The following EDARADD variants were observed in gnomAD, a reference collection of about 807,000 sequenced individuals.
EDARADD encodes the protein ectodysplasin-A receptor-associated adapter protein.
Under a neutral mutation model 25.6 loss-of-function variants are expected in EDARADD, and 20 were observed. That is an observed-to-expected ratio of 0.78 (90% CI 0.55 to 1.14). The LOEUF (loss-of-function observed/expected upper bound fraction) is 1.14. Among genes scored for constraint, EDARADD ranks in the 50% most tolerant of loss-of-function variants. The probability of loss-of-function intolerance (pLI) is 0.00; values close to 1 mark genes in which losing one functional copy is unlikely to be tolerated. For synonymous variants in EDARADD, 86 were observed against 94.4 expected (o/e 0.91, Z 0.52); for missense variants, 225 against 270.1 (o/e 0.83, Z 1.17).
rs1384664207 is a variant in EDARADD, at chr1:236,409,235, A to G, written c.81A>G (p.Pro27=). The change falls in exon 2 of 6, where the codon CCA becomes CCG. Residue 27 remains proline, a synonymous_variant. Transcript: ENST00000334232. The stretch of plus-strand genomic sequence containing the variant: ...TTACAGATCATATGGTAAAGGAACC[A>G]GTGGAAGACACAGACCCTAGCACTT... ...GHQEDHMVKE[P]VEDTDPSTLS... 1 of 1,613,248 alleles carries G rather than the reference A, an allele frequency of 6.2e-7. No homozygotes were observed. The highest frequency in any genetic ancestry group is 1.1e-5 in the South Asian group (1 of 90,874).
intron 5 of EDARADD, among the ~76,000 whole-genome samples, chr1:236,470,867 C>T (rs1659341425): frequency 2.0e-5 from 3 of 152,138 alleles, no homozygotes; most frequent in South Asian, 2.1e-4. Flanking sequence ...CTCAGCCTCC[C>T]AAAGTGCTGG....
At chr1:236,447,668 A>T (rs754731097) in intron 4 of EDARADD, among the ~76,000 whole-genome samples, 1 of 152,134 alleles carries the variant, frequency 6.6e-6, no homozygotes, top group Non-Finnish European at 1.5e-5. Flanking sequence ...AGTAATGAGA[A>T]TCCCTAAGGA....
In EDARADD at chr1:236,483,570, G is replaced by T. The variant is rs886046192; in HGVS notation, c.*921G>T. 5.2e-6 allele frequency: 7 copies of T among 1,348,914 alleles called. No homozygotes were observed. The South Asian group carries it at 5.8e-5, about 11-fold the overall frequency. The allele number at this position is 1,348,914 out of a possible 1,614,324, so 83.6% of individuals were successfully genotyped here. A position where few individuals can be genotyped will look rare whatever the true frequency, so the allele number is the denominator to read the frequency against. ...GGTTCCCCTGTACCACCACATCGCC[G>T]ACTTGTCTGGCAACTCCAAAGTCAT... On this transcript the variant is annotated 3_prime_UTR_variant, in exon 6 of 6. Transcript: ENST00000334232.
chr1:236,426,968 G>A (rs1657936689), intron 3 of EDARADD, among the ~76,000 whole-genome samples: 1 of 151,944 alleles, frequency 6.6e-6, no homozygotes, highest in South Asian at 2.1e-4. Flanking sequence ...TGCAAACTTT[G>A]TCTCCTGAGT....
intron 4 of EDARADD, among the ~76,000 whole-genome samples, chr1:236,453,169 T>C (rs560946345): frequency 6.6e-6 from 1 of 152,352 alleles, no homozygotes; most frequent in South Asian, 2.1e-4. Flanking sequence ...AATGATGCTG[T>C]TTTATCTGTT....
intron 3 of EDARADD, among the ~76,000 whole-genome samples, chr1:236,389,082 T>C (rs1229513303): frequency 6.6e-6 from 1 of 152,176 alleles, no homozygotes; most frequent in Non-Finnish European, 1.5e-5. Context: ...TTGGAACAGA[T>C]TTTATCTCAA....
intron 3 of EDARADD, among the ~76,000 whole-genome samples, chr1:236,381,418 G>T (rs1352133661): frequency 6.6e-6 from 1 of 151,876 alleles, no homozygotes; most frequent in East Asian, 1.9e-4. Flanking sequence ...ATAAGCTTGT[G>T]CTATTTTAGT....
chr1:236,472,131 TG>T (rs1558136600), intron 5 of EDARADD, among the ~76,000 whole-genome samples: 1 of 151,700 alleles, frequency 6.6e-6, no homozygotes, highest in South Asian at 2.1e-4. Context: ...AGGAGGGAGG[TG>T]GGGGAAGAAA....
At chr1:236,394,231 A>G, upstream of EDARADD, 1 of 560,434 alleles carries the variant, frequency 1.8e-6, no homozygotes. Context: ...CAAACCTCCA[A>G]ATTGATTCTA....
At chr1:236,481,906 G>A (rs1433707399) in intron 5 of EDARADD, among the ~76,000 whole-genome samples, 1 of 151,884 alleles carries the variant, frequency 6.6e-6, no homozygotes, top group Non-Finnish European at 1.5e-5. Context: ...AAGGTCAGGA[G>A]ATCGAGACCA....
At chr1:236,391,139 C>T (rs965013534), upstream of EDARADD, among the ~76,000 whole-genome samples, 1 of 151,934 alleles carries the variant, frequency 6.6e-6, no homozygotes, top group South Asian at 2.1e-4. Context: ...GACCGGTCCC[C>T]CTGTCCCTGT....
At position 236,482,094 on chromosome 1, in the gene EDARADD, G is replaced by A. The variant is rs370403716; in HGVS notation, c.266-173G>A. 9.5e-5 allele frequency among the ~76,000 whole-genome samples: 13 copies of A among 137,078 alleles called. No individual in the cohort carries two copies. The East Asian group carries it at 2.3e-3, about 25-fold the overall frequency. The allele number at this position is 137,078 out of a possible 152,430, so 89.9% of individuals were successfully genotyped here. A position where few individuals can be genotyped will look rare whatever the true frequency, so the allele number is the denominator to read the frequency against. ...AGTGCCACTGCACTCCAGCCTGGGC[G>A]AAAGAGCGAGACTCCATCTCAAAAA... On this transcript the variant is annotated intron_variant, in intron 5 of 5. Transcript: ENST00000334232.
chr1:236,479,714 A>G (rs1378432204), intron 5 of EDARADD, among the ~76,000 whole-genome samples: 2 of 149,544 alleles, frequency 1.3e-5, no homozygotes, highest in Non-Finnish European at 3.0e-5. Flanking sequence ...GGACTACTCA[A>G]TTCCCTGCAT....
chr1:236,414,357 G>A, intron 3 of EDARADD, 58 bp downstream of exon 3: 1 of 1,384,586 alleles, frequency 7.2e-7, no homozygotes, highest in Non-Finnish European at 1.0e-6. Flanking sequence ...TGTGAACAAA[G>A]CACTAGTCGA....
chr1:236,460,618 T>G (rs1360890194), intron 4 of EDARADD, among the ~76,000 whole-genome samples: 1 of 152,152 alleles, frequency 6.6e-6, no homozygotes, highest in African/African-American at 2.4e-5. Flanking sequence ...TAGTAATTAT[T>G]TTGCAGAAAA....
chr1:236,349,737 C>T (rs974537595), intron 2 of EDARADD, among the ~76,000 whole-genome samples: 1 of 151,542 alleles, frequency 6.6e-6, no homozygotes, highest in Non-Finnish European at 1.5e-5. Context: ...TGTTTCTTAT[C>T]GGACCTCAAA....
upstream of EDARADD, among the ~76,000 whole-genome samples, chr1:236,393,365 G>A (rs1453057973): frequency 1.4e-5 from 2 of 139,666 alleles, no homozygotes; most frequent in East Asian, 2.1e-4. Context: ...TGTTAAAAAT[G>A]TCCATTTTCT....
intron 4 of EDARADD, among the ~76,000 whole-genome samples, chr1:236,449,813 A>T (rs896704148): frequency 6.6e-6 from 1 of 152,202 alleles, no homozygotes; most frequent in Non-Finnish European, 1.5e-5. Context: ...TATAAAAGTA[A>T]TAGGCGGCTG....
At chr1:236,427,324 C>T in intron 3 of EDARADD, 68 bp from the exon 4 acceptor site, 2 of 1,505,618 alleles carry the variant, frequency 1.3e-6, no homozygotes, top group Non-Finnish European at 1.8e-6. Context: ...TTAGGTCTTA[C>T]ACCACGGAGT....
Sources: gnomAD v4.1 joint callset for allele counts (sites outside exome capture counted in the v4.1 genomes callset) on GRCh38, gnomAD v4.1.1 for gene constraint, MANE v1.5 for transcripts, NCBI Gene and HGNC (gene_info 2026-07-23, HGNC 2026-07-21) for gene names.